The following GRIK4 variants were observed in gnomAD, a reference collection of about 807,000 sequenced individuals.
The protein encoded by GRIK4 is glutamate receptor ionotropic, kainate 4.
GRIK4 carries 40 observed loss-of-function variants against 104.9 expected under a neutral mutation model. That is an observed-to-expected ratio of 0.38 (90% CI 0.30 to 0.50). The LOEUF is 0.50. Ranked by LOEUF, GRIK4 falls within the 20% of genes least tolerant of loss-of-function variation. The probability of loss-of-function intolerance (pLI) is 0.93; values close to 1 mark genes in which losing one functional copy is unlikely to be tolerated. For missense variants in GRIK4, 1,047 were observed against 1,308.1 expected, an observed-to-expected ratio of 0.80 and a Z score of 3.08; for synonymous variants, 485 against 524.9, an observed-to-expected ratio of 0.92 and a Z score of 1.04.
chr11:120,636,894 G>T (rs1949403522), intron 1 of GRIK4, among the ~76,000 whole-genome samples: 3 of 152,144 alleles, frequency 2.0e-5, no homozygotes, highest in Admixed American at 6.5e-5. Context: ...GCCTCCACCT[G>T]GGTCCTGATG....
intron 3 of GRIK4, among the ~76,000 whole-genome samples, chr11:120,785,455 C>T (rs1381605535): frequency 6.6e-6 from 1 of 152,146 alleles, no homozygotes; most frequent in South Asian, 2.1e-4. Context: ...TACAAAGTGG[C>T]CGTATACATA....
intron 9 of GRIK4, among the ~76,000 whole-genome samples, chr11:120,864,205 T>TTTTATTTA (rs140150638): frequency 2.2e-5 from 3 of 137,720 alleles, no homozygotes; most frequent in African/African-American, 2.7e-5. Flanking sequence ...GTATTTTTAT[T>TTTTATTTA]TTTATTTATT....
At chr11:120,787,654 G>A (rs979148342) in intron 3 of GRIK4, among the ~76,000 whole-genome samples, 1 of 150,852 alleles carries the variant, frequency 6.6e-6, no homozygotes, top group African/African-American at 2.4e-5. Flanking sequence ...GTGGAGATGG[G>A]GTTTCACTAT....
At chr11:120,785,029 A>G (rs1223258991) in intron 3 of GRIK4, among the ~76,000 whole-genome samples, 2 of 151,324 alleles carry the variant, frequency 1.3e-5, no homozygotes, top group African/African-American at 4.9e-5. Context: ...CTTTGTCTGC[A>G]CTAGACCTAT....
At chr11:120,600,022 G>A (rs948416582) in intron 1 of GRIK4, among the ~76,000 whole-genome samples, 1 of 152,224 alleles carries the variant, frequency 6.6e-6, no homozygotes, top group African/African-American at 2.4e-5. Flanking sequence ...TGGCGCATCA[G>A]AAAAGCTCTA....
At chr11:120,718,124 C>T (rs555988059) in intron 3 of GRIK4, among the ~76,000 whole-genome samples, 1 of 152,282 alleles carries the variant, frequency 6.6e-6, no homozygotes, top group South Asian at 2.1e-4. Flanking sequence ...CTGACTTCTC[C>T]CTCCTGCCAT....
At chr11:120,812,407 G>A (rs1478874956) in intron 4 of GRIK4, among the ~76,000 whole-genome samples, 1 of 152,226 alleles carries the variant, frequency 6.6e-6, no homozygotes, top group African/African-American at 2.4e-5. Flanking sequence ...TTCCCCAGCT[G>A]TAAAGTGGAG....
At chr11:120,753,366 A>G (rs1951595761) in intron 3 of GRIK4, among the ~76,000 whole-genome samples, 1 of 151,106 alleles carries the variant, frequency 6.6e-6, no homozygotes, top group Non-Finnish European at 1.5e-5. Context: ...GGGAAGACAA[A>G]GTGAATTAGG....
intron 5 of GRIK4, among the ~76,000 whole-genome samples, chr11:120,816,874 G>GTGTATA (rs1248437750): frequency 6.6e-6 from 1 of 151,934 alleles, no homozygotes; most frequent in Non-Finnish European, 1.5e-5. Context: ...TCCTCCTCCC[G>GTGTATA]GTCACATATC....
At chr11:120,837,548 C>T (rs969879328) in intron 8 of GRIK4, among the ~76,000 whole-genome samples, 7 of 152,276 alleles carry the variant, frequency 4.6e-5, no homozygotes, top group Admixed American at 6.5e-5. Flanking sequence ...ATATTATATG[C>T]GCGTAGCTTA....
chr11:120,642,133 A>G (rs1949478443), intron 1 of GRIK4, among the ~76,000 whole-genome samples: 1 of 152,200 alleles, frequency 6.6e-6, no homozygotes, highest in Non-Finnish European at 1.5e-5. Context: ...CTATGTCCCC[A>G]GTACGGAATA....
intron 3 of GRIK4, among the ~76,000 whole-genome samples, chr11:120,749,946 G>A (rs1304174043): frequency 1.3e-5 from 2 of 152,212 alleles, no homozygotes; most frequent in Non-Finnish European, 2.9e-5. Flanking sequence ...AGAACCATTT[G>A]TTAATGTGCT....
intron 1 of GRIK4, among the ~76,000 whole-genome samples, chr11:120,530,655 C>T (rs7120689): frequency 0.031 from 4,720 of 152,242 alleles, 239 homozygotes; most frequent in African/African-American, 0.11. Context: ...CTTCGACAAC[C>T]GCGTTACAGG....
chr11:120,732,819 T>C (rs1211388864), intron 3 of GRIK4, among the ~76,000 whole-genome samples: 1 of 152,234 alleles, frequency 6.6e-6, no homozygotes, highest in Non-Finnish European at 1.5e-5. Context: ...CTGCAGCCAC[T>C]GGATGAAATG....
At chr11:120,651,611 G>T (rs531667627) in intron 1 of GRIK4, among the ~76,000 whole-genome samples, 67 of 152,282 alleles carry the variant, frequency 4.4e-4, no homozygotes, top group African/African-American at 1.5e-3. Context: ...ACCCGGGCTG[G>T]GTGGTCAGTG....
chr11:120,617,070 C>T (rs976084879), intron 1 of GRIK4, among the ~76,000 whole-genome samples: 1 of 152,156 alleles, frequency 6.6e-6, no homozygotes, highest in African/African-American at 2.4e-5. Flanking sequence ...CTCGGGAGCC[C>T]CGTGAATGTT....
chr11:120,908,011 C>T (rs1942907622), intron 13 of GRIK4, among the ~76,000 whole-genome samples: 1 of 152,100 alleles, frequency 6.6e-6, no homozygotes. Flanking sequence ...TCTTTGTGAC[C>T]CCTTTCCCAA....
intron 2 of GRIK4, among the ~76,000 whole-genome samples, chr11:120,658,426 G>T (rs930260830): frequency 2.0e-5 from 3 of 152,038 alleles, no homozygotes; most frequent in Non-Finnish European, 4.4e-5. Flanking sequence ...GGGTCATTAG[G>T]CTAGATGTAA....
intron 3 of GRIK4, among the ~76,000 whole-genome samples, chr11:120,737,429 G>T (rs1951245916): frequency 6.6e-6 from 1 of 152,160 alleles, no homozygotes; most frequent in Non-Finnish European, 1.5e-5. Flanking sequence ...TTGGCTAAAA[G>T]AATAGAACTT....
Sources: gnomAD v4.1 joint callset for allele counts (sites outside exome capture counted in the v4.1 genomes callset) on GRCh38, gnomAD v4.1.1 for gene constraint, MANE v1.5 for transcripts, NCBI Gene and HGNC (gene_info 2026-07-23, HGNC 2026-07-21) for gene names.